CHN2: variants seen among roughly 807,000 people sequenced by gnomAD.
CHN2 encodes the protein beta-chimaerin.
A neutral mutation model predicts 56.3 loss-of-function variants in CHN2; 35 were observed. The ratio of observed to expected loss-of-function variants is 0.62; its 90% confidence interval spans 0.47 to 0.82. The LOEUF (loss-of-function observed/expected upper bound fraction) is 0.82, where lower values mean the gene tolerates loss of function less well. Ranked by LOEUF, CHN2 falls within the 40% of genes least tolerant of loss-of-function variation. The probability of loss-of-function intolerance (pLI) is 0.00; values close to 1 mark genes in which losing one functional copy is unlikely to be tolerated. For synonymous variants in CHN2, 210 were observed against 212.8 expected (o/e 0.99, Z 0.12); for missense variants, 491 against 580.5 (o/e 0.85, Z 1.58).
At chr7:29,174,623 G>A (rs13234641) in intron 2 of CHN2, among the ~76,000 whole-genome samples, 17,938 of 152,194 alleles carry the variant, frequency 0.12, 1,242 homozygotes, top group African/African-American at 0.18. Context: ...CACTTTGGGA[G>A]GCCGACTTGG....
At chr7:29,227,838 A>C (rs969515695) in intron 1 of CHN2, among the ~76,000 whole-genome samples, 3 of 152,188 alleles carry the variant, frequency 2.0e-5, no homozygotes, top group Non-Finnish European at 4.4e-5. Context: ...CTTGGAATAG[A>C]AACAACCCAA....
intron 1 of CHN2, among the ~76,000 whole-genome samples, chr7:29,341,655 T>A (rs919077336): frequency 6.2e-4 from 94 of 152,168 alleles, no homozygotes; most frequent in Admixed American, 6.2e-3. Flanking sequence ...GATTTTACTT[T>A]ATTTGTTCTA....
At position 29,504,828 on chromosome 7, in the gene CHN2, T is replaced by G. The variant is rs764289268; in HGVS notation, c.991+7T>G. On this transcript the variant is annotated splice_region_variant and intron_variant, in intron 10 of 12. Transcript: ENST00000222792. ...AAAATGGCATTTGACAGAGGTAAGCTTGTACTTTCTTGAATGCCATCTGAC... is the reference window on the plus strand; with the variant it reads ...AAAATGGCATTTGACAGAGGTAAGCGTGTACTTTCTTGAATGCCATCTGAC... 6.2e-7 allele frequency: 1 copy of G among 1,600,914 alleles called. No individual in the cohort carries two copies.
At chr7:29,362,105 T>C (rs931387272) in intron 2 of CHN2, among the ~76,000 whole-genome samples, 21 of 152,200 alleles carry the variant, frequency 1.4e-4, no homozygotes, top group Non-Finnish European at 2.6e-4. Flanking sequence ...ATGCCAGAGA[T>C]GGAGTCTAGG....
chr7:29,407,597 G>A (rs961704810), intron 6 of CHN2, among the ~76,000 whole-genome samples: 2 of 152,150 alleles, frequency 1.3e-5, no homozygotes, highest in Admixed American at 1.3e-4. Flanking sequence ...GGATTCAAGG[G>A]TAAATGAAGA....
chr7:29,381,508 G>A (rs534320238), intron 3 of CHN2, among the ~76,000 whole-genome samples: 2 of 152,254 alleles, frequency 1.3e-5, no homozygotes, highest in African/African-American at 4.8e-5. Context: ...GCTGGATAGA[G>A]GAGTGCCACT....
At chr7:29,442,274 T>A (rs1169334588) in intron 6 of CHN2, among the ~76,000 whole-genome samples, 2 of 152,238 alleles carry the variant, frequency 1.3e-5, no homozygotes, top group African/African-American at 4.8e-5. Flanking sequence ...CCCCATCAGG[T>A]CAGATTCTCA....
intron 2 of CHN2, among the ~76,000 whole-genome samples, chr7:29,366,527 C>T (rs1282194022): frequency 6.6e-6 from 1 of 152,194 alleles, no homozygotes; most frequent in African/African-American, 2.4e-5. Flanking sequence ...TCTTTCCTCC[C>T]ACTAGTCCCA....
At chr7:29,277,959 G>A (rs957599609) in intron 1 of CHN2, among the ~76,000 whole-genome samples, 2 of 152,166 alleles carry the variant, frequency 1.3e-5, no homozygotes, top group African/African-American at 2.4e-5. Context: ...TTTTACAGGC[G>A]GAGAAACTGA....
At chr7:29,366,854 G>A (rs10235387) in intron 2 of CHN2, among the ~76,000 whole-genome samples, 4,511 of 152,270 alleles carry the variant, frequency 0.03, 236 homozygotes, top group African/African-American at 0.1. Context: ...GGGAGCCATA[G>A]TTACAAAATA....
intron 1 of CHN2, among the ~76,000 whole-genome samples, chr7:29,252,746 C>A (rs1788735640): frequency 7.8e-6 from 1 of 128,418 alleles, no homozygotes; most frequent in Non-Finnish European, 1.5e-5. Context: ...CAGGCGCCCG[C>A]CACCGCGCCC....
intron 3 of CHN2, among the ~76,000 whole-genome samples, chr7:29,369,913 G>T (rs1404121893): frequency 6.6e-6 from 1 of 152,160 alleles, no homozygotes; most frequent in African/African-American, 2.4e-5. Context: ...TGATATATTA[G>T]TAAGTGACAT....
At chr7:29,375,184 T>C (rs6966941) in intron 3 of CHN2, among the ~76,000 whole-genome samples, 59,218 of 119,312 alleles carry the variant, frequency 0.5, 14,464 homozygotes, top group Middle Eastern at 0.55. Context: ...GCCACCGTGC[T>C]CGGCCCTTTT....
intron 6 of CHN2, among the ~76,000 whole-genome samples, chr7:29,471,751 G>T (rs1786063589): frequency 6.6e-6 from 1 of 152,240 alleles, no homozygotes; most frequent in South Asian, 2.1e-4. Flanking sequence ...AGGTTTGGAG[G>T]TCAGCAGCAG....
intron 3 of CHN2, among the ~76,000 whole-genome samples, chr7:29,380,385 G>A (rs1800404039): frequency 6.6e-6 from 1 of 152,132 alleles, no homozygotes; most frequent in African/African-American, 2.4e-5. Context: ...ATTCCTTTGT[G>A]GGGAGGTGCT....
At chr7:29,293,635 C>G (rs910610852) in intron 1 of CHN2, among the ~76,000 whole-genome samples, 1 of 152,098 alleles carries the variant, frequency 6.6e-6, no homozygotes, top group Non-Finnish European at 1.5e-5. Context: ...GGCCTCCGAA[C>G]TTGCTGTGCC....
chr7:29,422,963 A>G (rs1015255149), intron 6 of CHN2, among the ~76,000 whole-genome samples: 1 of 152,190 alleles, frequency 6.6e-6, no homozygotes, highest in Non-Finnish European at 1.5e-5. Flanking sequence ...CGTAACTTAC[A>G]CTGTTACAGC....
chr7:29,483,478 G>C (rs1787584875), intron 7 of CHN2, among the ~76,000 whole-genome samples: 1 of 152,182 alleles, frequency 6.6e-6, no homozygotes, highest in Admixed American at 6.5e-5. Flanking sequence ...ACTGTGTGCT[G>C]ATGCAATCTT....
intron 6 of CHN2, among the ~76,000 whole-genome samples, chr7:29,425,792 GAAAT>G (rs1010191806): frequency 6.6e-6 from 1 of 152,036 alleles, no homozygotes; most frequent in African/African-American, 2.4e-5. Flanking sequence ...TGTCTCCCTT[GAAAT>G]AAATTAATTT....
Sources: gnomAD v4.1 joint callset for allele counts (sites outside exome capture counted in the v4.1 genomes callset) on GRCh38, gnomAD v4.1.1 for gene constraint, MANE v1.5 for transcripts, NCBI Gene and HGNC (gene_info 2026-07-23, HGNC 2026-07-21) for gene names.